Variants in SMAD2 observed in about 807,000 individuals in gnomAD.
SMAD2 encodes MAD homolog 2.
Under a neutral mutation model 64.4 loss-of-function variants are expected in SMAD2, and 8 were observed. The observed-to-expected ratio is 0.12, with a 90% CI of 0.07 to 0.22. The LOEUF (loss-of-function observed/expected upper bound fraction) is 0.22, where lower values mean the gene tolerates loss of function less well. Ranked by LOEUF, SMAD2 falls within the 10% of genes least tolerant of loss-of-function variation. The probability of loss-of-function intolerance (pLI) is 1.00; values close to 1 mark genes in which losing one functional copy is unlikely to be tolerated. For missense variants in SMAD2, 289 were observed against 561.2 expected (o/e 0.51, Z 4.90); for synonymous variants, 203 against 195.8 (o/e 1.04, Z -0.31).
intron 8 of SMAD2, among the ~76,000 whole-genome samples, chr18:47,846,228 C>T (rs1343992953): frequency 6.6e-6 from 1 of 152,016 alleles, no homozygotes; most frequent in African/African-American, 2.4e-5. Flanking sequence ...AAGTCATTTG[C>T]CATTTTAAAA....
intron 2 of SMAD2, among the ~76,000 whole-genome samples, chr18:47,879,495 CGTGTGT>C (rs58440360): frequency 0.018 from 2,541 of 141,424 alleles, 65 homozygotes; most frequent in African/African-American, 0.06. Flanking sequence ...ATGTATATGA[CGTGTGT>C]GTGTGTGTGT....
intron 6 of SMAD2, among the ~76,000 whole-genome samples, chr18:47,854,552 TTAAC>T (rs2030482220): frequency 6.6e-6 from 1 of 152,206 alleles, no homozygotes; most frequent in South Asian, 2.1e-4. Context: ...GCCAATTCTA[TTAAC>T]TATCTTTTTC....
rs974690334 is a variant in SMAD2 at position 47,817,297 on chromosome 18, CA to C, written c.*24529del. The C allele has an allele frequency of 6.6e-6, 1 of 152,238 alleles. No homozygotes were observed. Among genetic ancestry groups the C allele is most frequent in the African/African-American group, 2.4e-5 (1 of 41,444 alleles). The allele number at this position is 152,238 out of a possible 1,614,324, so 9.4% of individuals were successfully genotyped here. The stretch of plus-strand genomic sequence containing the variant: ...GAGTCTTTTCTCAGGCAGAGCCTCC[CA>C]CTTTTGGCAGAGGCTTTTTGACTTG... On this transcript the variant is annotated 3_prime_UTR_variant, in exon 11 of 11. Transcript: ENST00000262160.
rs2144271220 is a variant in SMAD2, at chr18:47,839,930, A to G, written c.*1897T>C. ...CATCCCATCTGTTATTCTCCAGTAC[A>G]GTACCCTGTTTATCTCCTTCATAGA... is the stretch of plus-strand genomic sequence containing the variant. On this transcript the variant is annotated 3_prime_UTR_variant, in exon 11 of 11. Coordinates refer to ENST00000262160, the MANE Select transcript of SMAD2 (RefSeq NM_005901.6). The G allele has an allele frequency of 4.3e-6, 1 of 233,228 alleles. No homozygotes were observed. The highest frequency in any genetic ancestry group is 6.0e-5 in the East Asian group (1 of 16,560). 14.4% of individuals were successfully genotyped at this position (233,228 alleles called of 1,614,324 possible).
Position 47,838,608 on chromosome 18 carries a change from C to T in SMAD2, c.*3219G>A. ...TAAAAAGAGCACAATCAGCGGTATT[C>T]CAGAAGGTAGGCCTAAATCCAGTTA... On this transcript the variant is annotated 3_prime_UTR_variant, in exon 11 of 11. Transcript: ENST00000262160. The T allele has an allele frequency of 4.3e-6, 1 of 233,006 alleles. No homozygotes were observed. The highest frequency in any genetic ancestry group is 6.0e-5 in the East Asian group (1 of 16,640). The allele number at this position is 233,006 out of a possible 1,614,324, so 14.4% of individuals were successfully genotyped here. A position where few individuals can be genotyped will look rare whatever the true frequency, so the allele number is the denominator to read the frequency against.
Position 47,867,259 on chromosome 18 carries a change from T to C in SMAD2, c.655+1064A>G, listed in dbSNP as rs770475592. On this transcript the variant is annotated intron_variant, in intron 5 of 10. Transcript: ENST00000262160. ...GAATAAAACAGTAATCAAAGAAATATACATTAAAACAATCAAAAACCACTT... is the reference window on the plus strand; with the variant it reads ...GAATAAAACAGTAATCAAAGAAATACACATTAAAACAATCAAAAACCACTT... The C allele has an allele frequency of 2.6e-5, 4 of 152,058 alleles. No homozygotes were observed. In the South Asian group the frequency reaches 6.2e-4, roughly 24 times the overall value. The allele number at this position is 152,058 out of a possible 1,614,324, so 9.4% of individuals were successfully genotyped here. A position where few individuals can be genotyped will look rare whatever the true frequency, so the allele number is the denominator to read the frequency against.
rs1024063207 is a variant in SMAD2, at chr18:47,836,858, C to T, written c.*4969G>A. On this transcript the variant is annotated 3_prime_UTR_variant, in exon 11 of 11. Coordinates refer to ENST00000262160, the MANE Select transcript of SMAD2 (RefSeq NM_005901.6). ...CCAAGAGATAATTTGCCCCTCAATC[C>T]CTACAAAGTGTAGTCTAAACAAACA... 4.7e-6 allele frequency: 1 copy of T among 211,602 alleles called. No homozygotes were observed. The highest frequency in any genetic ancestry group is 9.5e-6 in the Non-Finnish European group (1 of 104,742). The allele number at this position is 211,602 out of a possible 1,614,324, so 13.1% of individuals were successfully genotyped here.
At chr18:47,908,095 C>T (rs1010445580) in intron 1 of SMAD2, among the ~76,000 whole-genome samples, 13 of 152,218 alleles carry the variant, frequency 8.5e-5, no homozygotes, top group Non-Finnish European at 1.6e-4. Context: ...AAAGCTTCAA[C>T]ATGCCAATGC....
At chr18:47,860,462 T>C (rs1050888385) in intron 6 of SMAD2, among the ~76,000 whole-genome samples, 1 of 151,988 alleles carries the variant, frequency 6.6e-6, no homozygotes, top group Admixed American at 6.6e-5. Context: ...AAATTTTTTT[T>C]TGTAGAGACG....
chr18:47,824,846 T>G lies in SMAD2; in HGVS notation c.*16981A>C, dbSNP rs1319938567. 6.6e-6 allele frequency: 1 copy of G among 152,234 alleles called. No homozygotes were observed. The highest frequency in any genetic ancestry group is 1.5e-5 in the Non-Finnish European group (1 of 68,030). The allele number at this position is 152,234 out of a possible 1,614,324, so 9.4% of individuals were successfully genotyped here. A position where few individuals can be genotyped will look rare whatever the true frequency, so the allele number is the denominator to read the frequency against. On this transcript the variant is annotated 3_prime_UTR_variant, in exon 11 of 11. Coordinates refer to ENST00000262160, the MANE Select transcript of SMAD2 (RefSeq NM_005901.6). Reference sequence around the variant, plus strand: ...CACAAATCATGGCAAAAAACTTTGTTTTCATATGCCCATTATGGCTTGCTG... The same window carrying G: ...CACAAATCATGGCAAAAAACTTTGTGTTCATATGCCCATTATGGCTTGCTG...
Position 47,896,824 on chromosome 18 carries a change from G to C in SMAD2, c.-53-15C>G. The C allele has an allele frequency of 6.4e-7, 1 of 1,565,258 alleles. No homozygotes were observed. Among genetic ancestry groups the C allele is most frequent in the Non-Finnish European group, 8.6e-7 (1 of 1,156,268 alleles). On this transcript the variant is annotated splice_polypyrimidine_tract_variant and intron_variant, in intron 1 of 10. Transcript: ENST00000262160. ...TTGTATCGAACCTAGCAGAAATATT[G>C]AAAGGATGATGTAGAGACTACCTTG...
chr18:47,847,549 A>G (rs375731377), intron 8 of SMAD2, among the ~76,000 whole-genome samples: 1 of 151,972 alleles, frequency 6.6e-6, no homozygotes. Context: ...AGATATAAAA[A>G]CTGAGATTTA....
At chr18:47,882,927 C>T (rs1344496506) in intron 2 of SMAD2, among the ~76,000 whole-genome samples, 1 of 152,154 alleles carries the variant, frequency 6.6e-6, no homozygotes, top group East Asian at 1.9e-4. Flanking sequence ...AATCTTTTTA[C>T]TGTCTGTAGG....
chr18:47,923,055 ATT>A (rs11290334), intron 1 of SMAD2, among the ~76,000 whole-genome samples: 3,564 of 147,742 alleles, frequency 0.024, 135 homozygotes, highest in African/African-American at 0.081. Context: ...GAGACTACTT[ATT>A]TTTTTTTTTT....
intron 1 of SMAD2, among the ~76,000 whole-genome samples, chr18:47,909,788 A>C (rs1367551881): frequency 6.6e-6 from 1 of 152,188 alleles, no homozygotes; most frequent in African/African-American, 2.4e-5. Flanking sequence ...CTGCCTTTTA[A>C]AGTTCTTTTG....
rs560278688 is a variant in SMAD2, at chr18:47,870,880, G to A, written c.237-316C>T. On this transcript the variant is annotated intron_variant, in intron 2 of 10. Coordinates refer to ENST00000262160, the MANE Select transcript of SMAD2 (RefSeq NM_005901.6). ...TGTATTCAAAAGATCTAAAACCTCTGCCATCAGCTTTACTAAGTGCTTCAT... is the reference window on the plus strand; with the variant it reads ...TGTATTCAAAAGATCTAAAACCTCTACCATCAGCTTTACTAAGTGCTTCAT... Among the ~76,000 whole-genome samples, 23 of 152,126 alleles carry A rather than the reference G, an allele frequency of 1.5e-4. No homozygotes were observed. The East Asian group carries it at 4.2e-3, about 28-fold the overall frequency.
chr18:47,884,023 A>C (rs1326959438), intron 2 of SMAD2, among the ~76,000 whole-genome samples: 1 of 152,108 alleles, frequency 6.6e-6, no homozygotes, highest in Non-Finnish European at 1.5e-5. Context: ...CAGTGTAAAA[A>C]CCAGCCCACA....
chr18:47,877,566 T>C (rs2032336957), intron 2 of SMAD2, among the ~76,000 whole-genome samples: 1 of 152,190 alleles, frequency 6.6e-6, no homozygotes, highest in South Asian at 2.1e-4. Context: ...GATTGTAGTA[T>C]TCAATTACAA....
In SMAD2 at chr18:47,832,026, A is replaced by C. The variant is rs1003179718; in HGVS notation, c.*9801T>G. On this transcript the variant is annotated 3_prime_UTR_variant, in exon 11 of 11. Coordinates refer to ENST00000262160, the MANE Select transcript of SMAD2 (RefSeq NM_005901.6). ...CCAAACTTAGACAAACCTGGAGCTT[A>C]AAATAATTACATTGGATGACATCAG... The C allele has an allele frequency of 2.0e-5, 3 of 152,216 alleles. No homozygotes were observed. The highest frequency in any genetic ancestry group is 7.2e-5 in the African/African-American group (3 of 41,454). 9.4% of individuals were successfully genotyped at this position (152,216 alleles called of 1,614,324 possible). A position where few individuals can be genotyped will look rare whatever the true frequency, so the allele number is the denominator to read the frequency against.
Sources: gnomAD v4.1 joint callset for allele counts (sites outside exome capture counted in the v4.1 genomes callset) on GRCh38, gnomAD v4.1.1 for gene constraint, MANE v1.5 for transcripts, NCBI Gene and HGNC (gene_info 2026-07-23, HGNC 2026-07-21) for gene names.